Variants in SEMA3A observed in about 807,000 individuals in gnomAD.
SEMA3A encodes the protein semaphorin 3A.
A neutral mutation model predicts 97.9 loss-of-function variants in SEMA3A; 29 were observed. The ratio of observed to expected loss-of-function variants is 0.30; its 90% CI spans 0.22 to 0.40. SEMA3A has a LOEUF of 0.40. SEMA3A is among the 10% of genes least tolerant of loss of function. The pLI is 1.00. For synonymous variants in SEMA3A, 321 were observed against 323.7 expected, an observed-to-expected ratio of 0.99 and a Z score of 0.09; for missense variants, 763 against 951.3, an observed-to-expected ratio of 0.80 and a Z score of 2.60.
intron 1 of SEMA3A, among the ~76,000 whole-genome samples, chr7:84,491,934 T>TA (rs1352494394): frequency 6.6e-6 from 1 of 152,170 alleles, no homozygotes; most frequent in Non-Finnish European, 1.5e-5. Flanking sequence ...AATACTCTTT[T>TA]AGAGTTTTTA....
At chr7:84,171,338 T>C (rs1424738331) in intron 1 of SEMA3A, among the ~76,000 whole-genome samples, 1 of 152,104 alleles carries the variant, frequency 6.6e-6, no homozygotes, top group Non-Finnish European at 1.5e-5. Flanking sequence ...CTCTTTGGGT[T>C]GGAGAGTGGA....
chr7:84,218,071 T>G (rs1426731643), intron 3 of SEMA3A, among the ~76,000 whole-genome samples: 3 of 152,142 alleles, frequency 2.0e-5, no homozygotes, highest in Non-Finnish European at 2.9e-5. Context: ...TGGTGATATT[T>G]TTTGTATAAT....
chr7:84,186,892 A>T (rs1797903819), intron 1 of SEMA3A, among the ~76,000 whole-genome samples: 1 of 152,210 alleles, frequency 6.6e-6, no homozygotes, highest in Non-Finnish European at 1.5e-5. Context: ...TATCTTAAAC[A>T]AAGAATTCAA....
At chr7:84,452,305 C>T (rs1805575666) in intron 1 of SEMA3A, among the ~76,000 whole-genome samples, 1 of 152,076 alleles carries the variant, frequency 6.6e-6, no homozygotes, top group African/African-American at 2.4e-5. Flanking sequence ...TATGAACCTA[C>T]TTAGATGTTA....
chr7:84,238,675 T>C (rs1799290474), intron 3 of SEMA3A, among the ~76,000 whole-genome samples: 1 of 152,138 alleles, frequency 6.6e-6, no homozygotes, highest in South Asian at 2.1e-4. Context: ...AAAGTGCACA[T>C]GTAGGCATCT....
chr7:84,053,511 T>C (rs1792785137), intron 5 of SEMA3A, among the ~76,000 whole-genome samples: 1 of 124,412 alleles, frequency 8.0e-6, no homozygotes, highest in Non-Finnish European at 1.7e-5. Context: ...TAAAGTCTGT[T>C]TTATCAGAGA....
intron 3 of SEMA3A, among the ~76,000 whole-genome samples, chr7:84,111,452 T>C (rs953323254): frequency 1.3e-5 from 2 of 151,768 alleles, no homozygotes; most frequent in Non-Finnish European, 2.9e-5. Context: ...CTGTATTCTA[T>C]ACTTGCAGCT....
At chr7:84,482,775 A>T (rs552683415) in intron 1 of SEMA3A, among the ~76,000 whole-genome samples, 1 of 152,128 alleles carries the variant, frequency 6.6e-6, no homozygotes, top group African/African-American at 2.4e-5. Flanking sequence ...CTGCATAACT[A>T]GTATCCTGAG....
chr7:84,292,327 T>C (rs749698216), intron 3 of SEMA3A, among the ~76,000 whole-genome samples: 2 of 152,072 alleles, frequency 1.3e-5, no homozygotes, highest in Non-Finnish European at 2.9e-5. Context: ...CTATGGCACA[T>C]GGTTTTATTA....
chr7:84,120,814 C>T (rs1795588010), intron 3 of SEMA3A, among the ~76,000 whole-genome samples: 1 of 152,138 alleles, frequency 6.6e-6, no homozygotes, highest in Admixed American at 6.5e-5. Context: ...GCCTACCAGG[C>T]TTTCATGAAT....
At chr7:84,268,115 T>C (rs1359275647) in intron 3 of SEMA3A, among the ~76,000 whole-genome samples, 1 of 152,116 alleles carries the variant, frequency 6.6e-6, no homozygotes, top group Non-Finnish European at 1.5e-5. Flanking sequence ...TAGCACCCAA[T>C]TTGCTTCTGG....
At chr7:84,443,473 A>G (rs909602647) in intron 1 of SEMA3A, among the ~76,000 whole-genome samples, 34 of 152,204 alleles carry the variant, frequency 2.2e-4, no homozygotes, top group African/African-American at 8.2e-4. Flanking sequence ...TACTTTATTA[A>G]TGGAAAAAAG....
intron 2 of SEMA3A, among the ~76,000 whole-genome samples, chr7:84,357,183 G>A (rs1195009580): frequency 6.6e-6 from 1 of 151,022 alleles, no homozygotes; most frequent in Non-Finnish European, 1.5e-5. Flanking sequence ...ACAACATGCA[G>A]GCTTGTTACA....
At chr7:84,001,386 A>C (rs1584530839) in intron 12 of SEMA3A, among the ~76,000 whole-genome samples, 1 of 146,108 alleles carries the variant, frequency 6.8e-6, no homozygotes, top group East Asian at 2.2e-4. Context: ...GTGATTCAGG[A>C]TAAAGGGACA....
At chr7:84,038,359 A>G (rs536574487) in intron 6 of SEMA3A, among the ~76,000 whole-genome samples, 1 of 152,256 alleles carries the variant, frequency 6.6e-6, no homozygotes, top group Admixed American at 6.5e-5. Context: ...TATGTATTTT[A>G]ATTGTTCCAT....
intron 14 of SEMA3A, among the ~76,000 whole-genome samples, chr7:83,977,808 C>CTT (rs1368534487): frequency 8.2e-5 from 9 of 109,974 alleles, no homozygotes; most frequent in Admixed American, 1.8e-4. Context: ...TTCTTTCTTT[C>CTT]TTTTTTTTTT....
At chr7:84,232,904 C>T (rs1256874078) in intron 3 of SEMA3A, among the ~76,000 whole-genome samples, 1 of 151,928 alleles carries the variant, frequency 6.6e-6, no homozygotes, top group Non-Finnish European at 1.5e-5. Context: ...GTCAGCTCTT[C>T]CCCTAGTGGA....
At chr7:84,239,645 C>T (rs558813321) in intron 3 of SEMA3A, among the ~76,000 whole-genome samples, 39 of 151,810 alleles carry the variant, frequency 2.6e-4, no homozygotes, top group Non-Finnish European at 4.7e-4. Flanking sequence ...GAAATTGGAT[C>T]GTAAAAAAAC....
chr7:84,095,723 G>A (rs185809147), intron 4 of SEMA3A, among the ~76,000 whole-genome samples: 5 of 150,936 alleles, frequency 3.3e-5, no homozygotes, highest in African/African-American at 1.2e-4. Flanking sequence ...GTGAAATTTT[G>A]CATGATTCCT....
Sources: gnomAD v4.1 joint callset for allele counts (sites outside exome capture counted in the v4.1 genomes callset) on GRCh38, gnomAD v4.1.1 for gene constraint, MANE v1.5 for transcripts, NCBI Gene and HGNC (gene_info 2026-07-23, HGNC 2026-07-21) for gene names.